The following CDH13 variants were observed in gnomAD, a reference collection of about 807,000 sequenced individuals.
The protein encoded by CDH13 is cadherin 13, also known as cadherin-13.
CDH13 carries 24 observed loss-of-function variants against 63.8 expected under a neutral mutation model. That is an observed-to-expected ratio of 0.38 (90% CI 0.27 to 0.53). CDH13 has a LOEUF of 0.53. Ranked by LOEUF, CDH13 falls within the 20% of genes least tolerant of loss-of-function variation. The pLI is 0.85. For synonymous variants in CDH13, 503 were observed against 355.3 expected (o/e 1.42, Z -4.67); for missense variants, 1,049 against 903.1 (o/e 1.16, Z -2.07).
chr16:82,957,632 A>T (rs1212384890), intron 2 of CDH13, among the ~76,000 whole-genome samples: 2 of 152,188 alleles, frequency 1.3e-5, no homozygotes, highest in Non-Finnish European at 2.9e-5. Flanking sequence ...GTGATTAAGA[A>T]CACCAGCTTT....
intron 1 of CDH13, among the ~76,000 whole-genome samples, chr16:82,650,504 C>T (rs1212679424): frequency 6.6e-6 from 1 of 152,178 alleles, no homozygotes; most frequent in East Asian, 1.9e-4. Context: ...CTAAAAGCCT[C>T]ATTAACCCAA....
intron 10 of CDH13, among the ~76,000 whole-genome samples, chr16:83,730,892 C>G (rs1009868009): frequency 5.3e-5 from 8 of 152,200 alleles, no homozygotes; most frequent in African/African-American, 1.9e-4. Flanking sequence ...TTAGCTCCCA[C>G]TTAGAACTGA....
intron 1 of CDH13, among the ~76,000 whole-genome samples, chr16:82,776,990 G>C (rs1046032389): frequency 6.6e-6 from 1 of 152,166 alleles, no homozygotes; most frequent in African/African-American, 2.4e-5. Context: ...CATCAGGTTG[G>C]AGTGCAGTGA....
chr16:82,823,124 GA>G (rs2151098479), intron 1 of CDH13: 1 of 152,372 alleles, frequency 6.6e-6, no homozygotes, highest in Admixed American at 6.5e-5. Flanking sequence ...TTCCAAGAGA[GA>G]GGCTGGACAA....
chr16:83,378,988 C>A (rs1430644034), intron 6 of CDH13, among the ~76,000 whole-genome samples: 1 of 143,520 alleles, frequency 7.0e-6, no homozygotes. Context: ...TATACACATG[C>A]ATCTATATAT....
chr16:83,760,540 T>C (rs1273684328), intron 11 of CDH13, among the ~76,000 whole-genome samples: 2 of 152,240 alleles, frequency 1.3e-5, no homozygotes, highest in Non-Finnish European at 2.9e-5. Context: ...CACAACATCA[T>C]GGGTGAATCT....
chr16:83,290,527 T>A (rs1043699201), intron 5 of CDH13, among the ~76,000 whole-genome samples: 2 of 152,138 alleles, frequency 1.3e-5, no homozygotes, highest in Non-Finnish European at 2.9e-5. Flanking sequence ...CCTTCCACGG[T>A]GATTGTGAGG....
intron 4 of CDH13, among the ~76,000 whole-genome samples, chr16:83,134,030 A>G (rs1480461871): frequency 6.6e-6 from 1 of 152,216 alleles, no homozygotes; most frequent in Non-Finnish European, 1.5e-5. Flanking sequence ...GATTAATTAA[A>G]GTGATCATAG....
Position 82,685,618 on chromosome 16 carries a change from G to A in CDH13, c.45+58481G>A, listed in dbSNP as rs985904901. 4.6e-5 allele frequency among the ~76,000 whole-genome samples: 7 copies of A among 152,208 alleles called. No homozygotes were observed. In the East Asian group the frequency reaches 9.7e-4, roughly 21 times the overall value. On this transcript the variant is annotated intron_variant, in intron 1 of 13. Transcript: ENST00000567109. ...TGTGTGTGTGCACTTGCACATGTGT[G>A]GATGTGTGTGTGTGCATGTGCTCTG... is the stretch of plus-strand genomic sequence containing the variant.
At chr16:82,841,848 G>C (rs576644845) in intron 1 of CDH13, among the ~76,000 whole-genome samples, 118 of 152,054 alleles carry the variant, frequency 7.8e-4, no homozygotes, top group Middle Eastern at 3.4e-3. Context: ...ACCCATGAAA[G>C]ACAGTTGTAC....
intron 10 of CDH13, chr16:83,726,517 G>C (rs1007217459): frequency 3.9e-5 from 6 of 152,112 alleles, no homozygotes; most frequent in African/African-American, 1.4e-4. Flanking sequence ...TTTGCTAAAC[G>C]GGCAAAAAAT....
chr16:83,703,224 A>G (rs936551365), intron 10 of CDH13, among the ~76,000 whole-genome samples: 1 of 152,196 alleles, frequency 6.6e-6, no homozygotes, highest in African/African-American at 2.4e-5. Flanking sequence ...ACTTTTTTCC[A>G]ACAGTCACAC....
At chr16:83,344,241 T>C (rs2090788664) in intron 5 of CDH13, among the ~76,000 whole-genome samples, 1 of 152,238 alleles carries the variant, frequency 6.6e-6, no homozygotes. Flanking sequence ...GTTGTTTTTT[T>C]ATGCTGCCTT....
At chr16:82,653,325 G>C (rs1416267025) in intron 1 of CDH13, among the ~76,000 whole-genome samples, 4 of 152,146 alleles carry the variant, frequency 2.6e-5, no homozygotes, top group African/African-American at 9.7e-5. Flanking sequence ...GTGCCTTAGT[G>C]TATTTTACAC....
intron 3 of CDH13, among the ~76,000 whole-genome samples, chr16:83,065,097 G>A (rs141760033): frequency 6.4e-4 from 98 of 152,152 alleles, no homozygotes; most frequent in Admixed American, 1.8e-3. Flanking sequence ...GTGAGATCAT[G>A]TGGTATTTGT....
chr16:83,705,994 A>G (rs8058020), intron 10 of CDH13, among the ~76,000 whole-genome samples: 58,338 of 152,060 alleles, frequency 0.38, 12,388 homozygotes, highest in African/African-American at 0.57. Flanking sequence ...GTGACTGGAA[A>G]CAACATCGTT....
chr16:82,849,772 C>G (rs879906420), intron 1 of CDH13, among the ~76,000 whole-genome samples: 8 of 152,192 alleles, frequency 5.3e-5, no homozygotes, highest in Non-Finnish European at 1.2e-4. Flanking sequence ...TGCTTATTCA[C>G]CATTGCAAAC....
chr16:83,024,778 G>A (rs543924033), intron 2 of CDH13, among the ~76,000 whole-genome samples: 3 of 152,262 alleles, frequency 2.0e-5, no homozygotes, highest in East Asian at 1.9e-4. Flanking sequence ...GGAGAATATC[G>A]AACAAAACTT....
intron 1 of CDH13, among the ~76,000 whole-genome samples, chr16:82,696,228 C>T (rs1324962285): frequency 6.6e-6 from 1 of 152,118 alleles, no homozygotes; most frequent in Non-Finnish European, 1.5e-5. Context: ...TATTGTGTTG[C>T]TTTTGAAATT....
Sources: gnomAD v4.1 joint callset for allele counts (sites outside exome capture counted in the v4.1 genomes callset) on GRCh38, gnomAD v4.1.1 for gene constraint, MANE v1.5 for transcripts, NCBI Gene and HGNC (gene_info 2026-07-23, HGNC 2026-07-21) for gene names.